The following SH2B1 variants were observed in gnomAD, a reference collection of about 807,000 sequenced individuals.
SH2B1 encodes SH2B adapter protein 1.
In SH2B1, 15 loss-of-function variants were observed where a neutral mutation model predicts 62.6. That is an observed-to-expected ratio of 0.24 (90% CI 0.16 to 0.37). The LOEUF is 0.37. Among genes scored for constraint, SH2B1 ranks in the 10% least tolerant of loss-of-function variants. The pLI is 1.00. For missense variants in SH2B1, 925 were observed against 1,015.6 expected (o/e 0.91, Z 1.21); for synonymous variants, 443 against 438.0 (o/e 1.01, Z -0.14).
At chr16:28,858,688 C>T (rs1007500517) in intron 1 of SH2B1, among the ~76,000 whole-genome samples, 46 of 152,030 alleles carry the variant, frequency 3.0e-4, no homozygotes, top group African/African-American at 1.1e-3. Context: ...ACTTGTAATC[C>T]CAGCACTCTG....
At chr16:28,871,634 G>A (rs754088675) in intron 4 of SH2B1, 146 bp from the exon 5 acceptor site, 50 of 677,410 alleles carry the variant, frequency 7.4e-5, no homozygotes, top group Admixed American at 2.2e-4. Flanking sequence ...ATTGGTAAAA[G>A]CATCAGGGGT....
upstream of SH2B1, chr16:28,863,661 C>CGT: frequency 6.5e-7 from 1 of 1,534,388 alleles, no homozygotes; most frequent in Non-Finnish European, 8.7e-7. Flanking sequence ...TCTGTGGTCG[C>CGT]TTTTAGGTGC....
upstream of SH2B1, among the ~76,000 whole-genome samples, chr16:28,861,309 T>C (rs545091407): frequency 2.6e-5 from 4 of 152,162 alleles, no homozygotes; most frequent in Non-Finnish European, 5.9e-5. Context: ...ATTTTTGTAT[T>C]TTTAGTAGAG....
rs1359657966 is a variant in SH2B1, at chr16:28,872,193, C to G, written c.1517C>G (p.Ser506Cys). 6.2e-7 allele frequency: 1 copy of G among 1,612,454 alleles called. No individual in the cohort carries two copies. Among genetic ancestry groups the G allele is most frequent in the South Asian group, 1.1e-5 (1 of 91,000 alleles). Reference sequence around the variant, plus strand: ...CCTCCCTCTCTCCTTCCTGAAGGGTCCTTCCTGTTCCAGGGGGAGCCAGAG... The same window carrying G: ...CCTCCCTCTCTCCTTCCTGAAGGGTGCTTCCTGTTCCAGGGGGAGCCAGAG... The part of the protein sequence containing the change: ...PLDTPETATG[S>C]FLFQGEPEGG... Residue 506 changes from serine to cysteine, a missense_variant, in exon 6 of 8, where the codon TCC becomes TGC. By Grantham distance (112) the Ser-to-Cys change is moderately radical. Transcript: ENST00000684370. This position sits in a 1 kb window ranked among gnomAD's most constrained non-coding sequence, Gnocchi z 5.3.
At position 28,872,038 on chromosome 16, in the gene SH2B1, C is replaced by A; in HGVS notation, c.1513+55C>A. On this transcript the variant is annotated intron_variant, in intron 5 of 7. Coordinates refer to ENST00000684370, the MANE Select transcript of SH2B1 (RefSeq NM_001387430.1). This position sits in a 1 kb window ranked among gnomAD's most constrained non-coding sequence, Gnocchi z 5.3. ...AGGCCTGGGTGCCTACCTTCCTGAC[C>A]ACCTCTCCTGGGATCCCGAGGGAGC... 1 of 1,356,550 alleles carries A rather than the reference C, an allele frequency of 7.4e-7. No homozygotes were observed. Among genetic ancestry groups the A allele is most frequent in the Non-Finnish European group, 1.1e-6 (1 of 947,802 alleles). 84.0% of individuals were successfully genotyped at this position (1,356,550 alleles called of 1,614,324 possible).
Position 28,863,899 on chromosome 16 carries a change from C to T in SH2B1, c.-2196C>T, listed in dbSNP as rs1205062757. The T allele has an allele frequency of 1.8e-5, 11 of 599,640 alleles. No individual in the cohort carries two copies. The highest frequency in any genetic ancestry group is 3.3e-5 in the East Asian group (1 of 30,388). 37.1% of individuals were successfully genotyped at this position (599,640 alleles called of 1,614,324 possible). On this transcript the variant is annotated 5_prime_UTR_variant, in exon 1 of 8. Coordinates refer to ENST00000684370, the MANE Select transcript of SH2B1 (RefSeq NM_001387430.1). ...TGGGGGCGCAGGGAGCGGGAGCCGC[C>T]GCCGCCGCCGCCGCCGCCGGAGCTA...
Position 28,863,865 on chromosome 16 carries a change from C to T in SH2B1, c.-2230C>T, listed in dbSNP as rs1962536400. The T allele has an allele frequency of 5.3e-6, 8 of 1,523,696 alleles. No individual in the cohort carries two copies. The highest frequency in any genetic ancestry group is 7.0e-6 in the Non-Finnish European group (8 of 1,140,974). The allele number at this position is 1,523,696 out of a possible 1,614,324, so 94.4% of individuals were successfully genotyped here. A position where few individuals can be genotyped will look rare whatever the true frequency, so the allele number is the denominator to read the frequency against. On this transcript the variant is annotated 5_prime_UTR_variant, in exon 1 of 8. Transcript: ENST00000684370. ...GCGGAACCGGGCTGGGCGCTCGTCGCGTAGTGGGTGGGGGCGCAGGGAGCG... is the reference window on the plus strand; with the variant it reads ...GCGGAACCGGGCTGGGCGCTCGTCGTGTAGTGGGTGGGGGCGCAGGGAGCG...
At position 28,852,843 on chromosome 16, in the gene SH2B1, T is replaced by TATATATATTTTTATATATATTTAC. The variant is rs1461153154; in HGVS notation, c.-301+6047_-301+6070dup. 3.4e-3 allele frequency among the ~76,000 whole-genome samples: 143 copies of TATATATATTTTTATATATATTTAC among 41,494 alleles called. 14 individuals are homozygous for TATATATATTTTTATATATATTTAC. The highest frequency in any genetic ancestry group is 0.012 in the African/African-American group (131 of 10,930). The allele number at this position is 41,494 out of a possible 152,430, so 27.2% of individuals were successfully genotyped here. On this transcript the variant is annotated intron_variant, in intron 1 of 10. Transcript: ENST00000322610. ...ACATATATATTTATATATATATACA[T>TATATATATTTTTATATATATTTAC]ATATATATTTTTATATATATTTACA...
chr16:28,863,617 G>A (rs1349740406), upstream of SH2B1: 1 of 1,453,240 alleles, frequency 6.9e-7, no homozygotes, highest in Non-Finnish European at 9.3e-7. Flanking sequence ...CCGGGAGGAC[G>A]CTCTGGTGGG....
intron 1 of SH2B1, among the ~76,000 whole-genome samples, chr16:28,850,275 A>G (rs1596607781): frequency 6.6e-6 from 1 of 152,202 alleles, no homozygotes; most frequent in East Asian, 1.9e-4. Context: ...CAAATGCTAC[A>G]TGCCAGGATA....
intron 1 of SH2B1, among the ~76,000 whole-genome samples, chr16:28,857,586 CA>C (rs1325761932): frequency 6.6e-6 from 1 of 152,092 alleles, no homozygotes; most frequent in Admixed American, 6.5e-5. Flanking sequence ...GAATACAAAG[CA>C]GGGCCAGCCA....
upstream of SH2B1, among the ~76,000 whole-genome samples, chr16:28,860,477 A>T (rs1215648137): frequency 6.6e-6 from 1 of 152,014 alleles, no homozygotes; most frequent in Non-Finnish European, 1.5e-5. Flanking sequence ...TCCTGACCTC[A>T]GGTGATCCGC....
chr16:28,869,306 G>C lies in SH2B1; in HGVS notation c.1232G>C (p.Cys411Ser), dbSNP rs750165122. ...AACACAGACAGCCTGGAGCTGTCCT[G>C]CCTGAATCACTCGGAGAGTCTACCC... ...RENTDSLELS[C>S]LNHSESLPSQ... The change falls in exon 4 of 8, where the codon TGC becomes TCC. Residue 411 changes from cysteine to serine, a missense_variant. Cys to Ser is a moderately radical substitution (Grantham distance 112, BLOSUM62 -1). Coordinates refer to ENST00000684370, the MANE Select transcript of SH2B1 (RefSeq NM_001387430.1). The C allele has an allele frequency of 6.2e-7, 1 of 1,614,104 alleles. No individual in the cohort carries two copies. The highest frequency in any genetic ancestry group is 8.5e-7 in the Non-Finnish European group (1 of 1,180,020).
chr16:28,858,348 A>G (rs1194824466), intron 1 of SH2B1, among the ~76,000 whole-genome samples: 1 of 152,016 alleles, frequency 6.6e-6, no homozygotes, highest in Non-Finnish European at 1.5e-5. Flanking sequence ...CCCTGTCTCT[A>G]CTAAAAATAC....
rs1468951127 is a variant in SH2B1 at position 28,866,200 on chromosome 16, G to A, written c.106G>A (p.Ala36Thr). 6.3e-7 allele frequency: 1 copy of A among 1,595,612 alleles called. No individual in the cohort carries two copies. The highest frequency in any genetic ancestry group is 2.3e-5 in the East Asian group (1 of 43,716). Reference protein sequence around the residue: ...WREFCESHARAAALDFARRFR... With the variant: ...WREFCESHARTAALDFARRFR... ...GGAGTTCTGTGAGTCCCACGCCCGG[G>A]CTGCGGCTCTGGACTTTGCCCGCCG... The change falls in exon 1 of 8, where the codon GCT becomes ACT. Residue 36 changes from alanine to threonine, a missense_variant. Around this residue, in one of 3 missense-constraint regions of SH2B1, gnomAD observed 683 missense variants for 704.0 expected, o/e 0.97. Transcript: ENST00000684370. The surrounding 1 kb of genome is among the most constrained non-coding windows in gnomAD (Gnocchi z 6.3).
At chr16:28,847,663 T>A (rs542263737) in intron 1 of SH2B1, among the ~76,000 whole-genome samples, 6 of 151,434 alleles carry the variant, frequency 4.0e-5, no homozygotes, top group South Asian at 2.1e-4. Flanking sequence ...CAAAAAAAAA[T>A]TTAAAATTAG....
Position 28,873,359 on chromosome 16 carries a change from C to T in SH2B1, c.1898-88C>T, listed in dbSNP as rs566079078. The T allele has an allele frequency of 5.0e-5, 80 of 1,586,976 alleles. No homozygotes were observed. The highest frequency in any genetic ancestry group is 4.6e-4 in the South Asian group (41 of 89,642). On this transcript the variant is annotated intron_variant, in intron 7 of 7. Transcript: ENST00000684370. This position sits in a 1 kb window ranked among gnomAD's most constrained non-coding sequence, Gnocchi z 4.2. ...GAGATGGGATGTGGGGAGACAGCCA[C>T]GCTCCTGGGGGGCTGAGTGAAGGGG... is the stretch of plus-strand genomic sequence containing the variant.
At chr16:28,849,981 T>C (rs1264702684) in intron 1 of SH2B1, among the ~76,000 whole-genome samples, 1 of 152,062 alleles carries the variant, frequency 6.6e-6, no homozygotes, top group Non-Finnish European at 1.5e-5. Context: ...TTTTGGAAGG[T>C]AGTGAATGAA....
chr16:28,873,510 A>C lies in SH2B1; in HGVS notation c.1961A>C (p.Gln654Pro). 6.3e-7 allele frequency: 1 copy of C among 1,591,830 alleles called. No individual in the cohort carries two copies. The highest frequency in any genetic ancestry group is 8.5e-7 in the Non-Finnish European group (1 of 1,170,642). The change falls in exon 8 of 8, where the codon CAG becomes CCG. Residue 654 changes from glutamine (Q) to proline (P), a missense_variant. Transcript: ENST00000684370. The surrounding 1 kb of genome is among the most constrained non-coding windows in gnomAD (Gnocchi z 4.2). ...PEPPSWTDPPQPGAEEASRAP... is the reference protein window; with the variant it reads ...PEPPSWTDPPPPGAEEASRAP... ...CCCCCTTCATGGACAGATCCCCCAC[A>C]GCCTGGGGCAGAAGAGGCGTCGAGG...
Sources: allele counts gnomAD v4.1 joint callset (sites outside exome capture counted in the v4.1 genomes callset), GRCh38; gene constraint gnomAD v4.1.1; regional missense constraint gnomAD v4.1.1; non-coding constraint Gnocchi (gnomAD v3.1); transcripts MANE v1.5; gene names NCBI Gene and HGNC (gene_info 2026-07-23, HGNC 2026-07-21).